Variants in TRPS1 observed in about 807,000 individuals in gnomAD.
TRPS1 encodes zinc finger transcription factor Trps1.
Under a neutral mutation model 101.2 loss-of-function variants are expected in TRPS1, and 6 were observed. That is an observed-to-expected ratio of 0.06 (90% CI 0.03 to 0.12). The LOEUF (loss-of-function observed/expected upper bound fraction) is 0.12. TRPS1 is among the 10% of genes least tolerant of loss of function. TRPS1 has a pLI of 1.00. For missense variants in TRPS1, 1,363 were observed against 1,567.0 expected (o/e 0.87, Z 2.20); for synonymous variants, 578 against 589.8 (o/e 0.98, Z 0.29).
intron 5 of TRPS1, among the ~76,000 whole-genome samples, chr8:115,459,574 G>C (rs1290585592): frequency 2.6e-5 from 4 of 152,172 alleles, no homozygotes; most frequent in Non-Finnish European, 5.9e-5. Context: ...GAGAAAGTTA[G>C]TGAGATAATA....
intron 5 of TRPS1, among the ~76,000 whole-genome samples, chr8:115,483,260 C>G (rs941971723): frequency 6.6e-6 from 1 of 152,090 alleles, no homozygotes; most frequent in Non-Finnish European, 1.5e-5. Context: ...AGGCTGAGCA[C>G]GGTGTCTCAT....
intron 4 of TRPS1, among the ~76,000 whole-genome samples, chr8:115,588,120 C>T (rs1057358334): frequency 6.6e-6 from 1 of 152,196 alleles, no homozygotes; most frequent in Admixed American, 6.5e-5. Flanking sequence ...AGATACACTT[C>T]AATTTCTAAT....
chr8:115,577,305 T>C lies in TRPS1; in HGVS notation c.2700+9696A>G, dbSNP rs1817341153. On this transcript the variant is annotated intron_variant, in intron 5 of 6. Coordinates refer to ENST00000395715, the MANE Select transcript of TRPS1 (RefSeq NM_014112.5). Reference sequence around the variant, plus strand: ...CCATATAGAAGAGTGGCTTAACTTGTTTGTCTTAAACATTCATAAATAACA... The same window carrying C: ...CCATATAGAAGAGTGGCTTAACTTGCTTGTCTTAAACATTCATAAATAACA... Among the ~76,000 whole-genome samples the C allele has an allele frequency of 2.6e-5, 4 of 152,152 alleles. No homozygotes were observed. The South Asian group carries it at 6.2e-4, about 24-fold the overall frequency.
At chr8:115,564,600 C>T (rs3808448) in intron 5 of TRPS1, among the ~76,000 whole-genome samples, 105,079 of 151,962 alleles carry the variant, frequency 0.69, 37,741 homozygotes, top group African/African-American at 0.89. Flanking sequence ...AATTGGTGTA[C>T]GTTTAAACAG....
At chr8:115,539,818 A>G (rs1248536802) in intron 5 of TRPS1, among the ~76,000 whole-genome samples, 1 of 152,214 alleles carries the variant, frequency 6.6e-6, no homozygotes, top group Non-Finnish European at 1.5e-5. Context: ...AGATCCTGCC[A>G]CTGCTCCAGC....
At position 115,587,302 on chromosome 8, in the gene TRPS1, T is replaced by A. The variant is rs1252294899; in HGVS notation, c.2399A>T (p.Asp800Val). ...KEKVWTESSS[D>V]DLRNVTWRGA... ...TCTCCAAGTCACATTGCGAAGGTCA[T>A]CACTGGAACTCTCGGTCCAAACTTT... The change falls in exon 5 of 7, where the codon GAT becomes GTT. Residue 800 changes from aspartate (D) to valine (V), a missense_variant. This residue lies in a region of TRPS1 where 1,020 missense variants were observed against 1,073.0 expected (regional missense o/e 0.95). Coordinates refer to ENST00000395715, the MANE Select transcript of TRPS1 (RefSeq NM_014112.5). 2 of 1,614,086 alleles carry A rather than the reference T, an allele frequency of 1.2e-6. No individual in the cohort carries two copies. Among genetic ancestry groups the A allele is most frequent in the African/African-American group, 2.7e-5 (2 of 74,936 alleles).
chr8:115,426,759 A>G (rs533502769), intron 5 of TRPS1, among the ~76,000 whole-genome samples: 1 of 152,324 alleles, frequency 6.6e-6, no homozygotes, highest in Non-Finnish European at 1.5e-5. Flanking sequence ...AAATGTATCC[A>G]AAGATTTCCT....
intron 5 of TRPS1, among the ~76,000 whole-genome samples, chr8:115,510,163 A>G (rs749584198): frequency 6.6e-5 from 10 of 151,926 alleles, no homozygotes; most frequent in Non-Finnish European, 1.5e-4. Context: ...AGTACATCCC[A>G]CTTATCTTAG....
intron 1 of TRPS1, among the ~76,000 whole-genome samples, chr8:115,651,285 C>T (rs905322226): frequency 2.6e-5 from 4 of 152,092 alleles, no homozygotes; most frequent in Admixed American, 6.6e-5. Flanking sequence ...TGACATTAAT[C>T]GATAAAAGGC....
At chr8:115,640,724 T>C (rs1053642131) in intron 1 of TRPS1, among the ~76,000 whole-genome samples, 1 of 152,236 alleles carries the variant, frequency 6.6e-6, no homozygotes, top group African/African-American at 2.4e-5. Context: ...ACTCCTAACG[T>C]ATCCGTAAGT....
At chr8:115,664,719 T>TA (rs1811882558) in intron 1 of TRPS1, among the ~76,000 whole-genome samples, 1 of 152,128 alleles carries the variant, frequency 6.6e-6, no homozygotes, top group South Asian at 2.1e-4. Context: ...TGCGGGTTTT[T>TA]ATCAAATTGA....
rs765029377 is a variant in TRPS1, at chr8:115,667,917, G to GC, written c.-122+627dup. ...CTAGTCTGCGCCCCGCTTGTCACGA[G>GC]CCCCCAGAAAACTTGCAGTGGCGGC... is the stretch of plus-strand genomic sequence containing the variant. On this transcript the variant is annotated intron_variant, in intron 1 of 6. Coordinates refer to ENST00000395715, the MANE Select transcript of TRPS1 (RefSeq NM_014112.5). 2.0e-6 allele frequency: 3 copies of GC among 1,535,422 alleles called. No individual in the cohort carries two copies. The South Asian group carries it at 3.6e-5, about 18-fold the overall frequency.
chr8:115,601,001 C>T (rs1487156228), intron 4 of TRPS1, among the ~76,000 whole-genome samples: 1 of 152,022 alleles, frequency 6.6e-6, no homozygotes, highest in African/African-American at 2.4e-5. Flanking sequence ...GTTTGCAGTT[C>T]CACCAAGTTT....
chr8:115,502,936 G>A (rs184247362), intron 5 of TRPS1, among the ~76,000 whole-genome samples: 13 of 152,140 alleles, frequency 8.5e-5, no homozygotes, highest in African/African-American at 3.1e-4. Flanking sequence ...CCTACTTGAT[G>A]GTGTTTCTCT....
intron 5 of TRPS1, among the ~76,000 whole-genome samples, chr8:115,580,823 T>C (rs1368894137): frequency 2.6e-5 from 4 of 152,090 alleles, no homozygotes; most frequent in Admixed American, 2.0e-4. Flanking sequence ...GCAGCCACTA[T>C]GGAGAACAGT....
At chr8:115,651,217 A>C (rs940974800) in intron 1 of TRPS1, among the ~76,000 whole-genome samples, 1 of 152,110 alleles carries the variant, frequency 6.6e-6, no homozygotes, top group Non-Finnish European at 1.5e-5. Flanking sequence ...ATACTTTTCA[A>C]ATGAATTCAG....
intron 1 of TRPS1, among the ~76,000 whole-genome samples, chr8:115,653,516 T>G (rs896274752): frequency 6.6e-6 from 1 of 152,180 alleles, no homozygotes; most frequent in Non-Finnish European, 1.5e-5. Flanking sequence ...CAAAGATCAT[T>G]CTATAGTTTT....
At chr8:115,539,456 G>A (rs1217118690) in intron 5 of TRPS1, among the ~76,000 whole-genome samples, 2 of 152,040 alleles carry the variant, frequency 1.3e-5, no homozygotes, top group South Asian at 2.1e-4. Flanking sequence ...CAAAAAGAAC[G>A]AAATGAAAAT....
chr8:115,666,543 T>C, intron 1 of TRPS1, among the ~76,000 whole-genome samples: 1 of 152,202 alleles, frequency 6.6e-6, no homozygotes, highest in East Asian at 1.9e-4. Context: ...TCAGAAACTT[T>C]CATTCTCATT....
Sources: allele counts gnomAD v4.1 joint callset (sites outside exome capture counted in the v4.1 genomes callset), GRCh38; gene constraint gnomAD v4.1.1; regional missense constraint gnomAD v4.1.1; transcripts MANE v1.5; gene names NCBI Gene and HGNC (gene_info 2026-07-23, HGNC 2026-07-21).